Variants in CPLANE1 observed in about 807,000 individuals in gnomAD.
CPLANE1 encodes ciliogenesis and planar polarity effector complex subunit 1, also known as ciliogenesis and planar polarity effector 1.
In CPLANE1, 263 loss-of-function variants were observed where a neutral mutation model predicts 362.5. The ratio of observed to expected loss-of-function variants is 0.73; its 90% confidence interval spans 0.66 to 0.80. The LOEUF (loss-of-function observed/expected upper bound fraction) is 0.80, where lower values mean the gene tolerates loss of function less well. Ranked by LOEUF, CPLANE1 falls within the 30% of genes least tolerant of loss-of-function variation. The pLI, the probability that CPLANE1 is intolerant of heterozygous loss-of-function variation, is 0.00. For synonymous variants in CPLANE1, 1,212 were observed against 1,302.6 expected (o/e 0.93, Z 1.50); for missense variants, 3,461 against 3,793.4 (o/e 0.91, Z 2.30).
chr5:37,133,730 C>T (rs911859095), intron 46 of CPLANE1, among the ~76,000 whole-genome samples: 3 of 152,072 alleles, frequency 2.0e-5, no homozygotes, highest in African/African-American at 7.2e-5. Flanking sequence ...AAGAGATAAT[C>T]TGAATTCTTA....
rs201080350 is a variant in CPLANE1 at position 37,158,186 on chromosome 5, G to A, written c.7812+38C>T. ...CTACATGACCATAATACATTTTAGC[G>A]CAAAGGTATTATTAAAACTTCTGAA... On this transcript the variant is annotated intron_variant, in intron 39 of 52. Transcript: ENST00000651892. The A allele has an allele frequency of 3.5e-4, 559 of 1,596,776 alleles. 4 individuals are homozygous for A. The African/African-American group carries it at 6.0e-3, about 17-fold the overall frequency.
intron 8 of CPLANE1, among the ~76,000 whole-genome samples, chr5:37,236,699 G>A (rs1360283714): frequency 6.9e-6 from 1 of 145,038 alleles, no homozygotes; most frequent in Non-Finnish European, 1.5e-5. Context: ...TAGGATCTAT[G>A]AGAAACTAAG....
intron 16 of CPLANE1, among the ~76,000 whole-genome samples, chr5:37,208,922 ATC>A (rs998953082): frequency 5.7e-4 from 85 of 150,400 alleles, no homozygotes; most frequent in Admixed American, 3.3e-3. Context: ...GTTAGGATAA[ATC>A]TGTTTCACAG....
intron 47 of CPLANE1, 79 bp downstream of exon 47, chr5:37,125,165 A>C (rs1763786913): frequency 2.0e-6 from 3 of 1,472,252 alleles, no homozygotes; most frequent in Non-Finnish European, 2.7e-6. Context: ...AAATTATGTT[A>C]ATCTTTTTCT....
intron 42 of CPLANE1, among the ~76,000 whole-genome samples, chr5:37,152,316 A>G (rs1337289668): frequency 6.6e-6 from 1 of 152,124 alleles, no homozygotes; most frequent in Non-Finnish European, 1.5e-5. Context: ...AGCTAGGACT[A>G]CAGGTGCACA....
intron 48 of CPLANE1, 97 bp from the exon 49 acceptor site, chr5:37,121,881 GT>G (rs772486105): frequency 0.068 from 48,778 of 712,840 alleles, 1 homozygote; most frequent in South Asian, 0.084. Context: ...GCATGTTCTG[GT>G]TTTTTTTTTT....
intron 18 of CPLANE1, among the ~76,000 whole-genome samples, chr5:37,203,098 C>T: frequency 6.6e-6 from 1 of 152,104 alleles, no homozygotes; most frequent in Middle Eastern, 3.4e-3. Flanking sequence ...TATATCCATC[C>T]TTTTTAAAGT....
At chr5:37,152,337 C>A (rs756962686) in intron 42 of CPLANE1, among the ~76,000 whole-genome samples, 1 of 151,980 alleles carries the variant, frequency 6.6e-6, no homozygotes, top group Non-Finnish European at 1.5e-5. Flanking sequence ...CCACCATACC[C>A]GACTTATTAT....
At position 37,179,360 on chromosome 5, in the gene CPLANE1, C is replaced by T. The variant is rs781766239; in HGVS notation, c.5820+1G>A. The stretch of plus-strand genomic sequence containing the variant: ...ATTATATCCACTATTTATTGACTTA[C>T]TTCTTCTAACTGCTGTGGTAAAGTC... On this transcript the variant is annotated splice_donor_variant, in intron 29 of 52. Coordinates refer to ENST00000651892, the MANE Select transcript of CPLANE1 (RefSeq NM_001384732.1). LOFTEE classifies it high-confidence loss of function. 4 of 1,585,488 alleles carry T rather than the reference C, an allele frequency of 2.5e-6. No individual in the cohort carries two copies. Among genetic ancestry groups the T allele is most frequent in the Non-Finnish European group, 3.5e-6 (4 of 1,157,810 alleles).
chr5:37,164,081 T>A (rs1777599077), intron 37 of CPLANE1, among the ~76,000 whole-genome samples, 192 bp downstream of exon 37: 1 of 152,204 alleles, frequency 6.6e-6, no homozygotes, highest in Non-Finnish European at 1.5e-5. Context: ...ATAAGTAAAG[T>A]GCTTTCCCAA....
Position 37,239,580 on chromosome 5 carries a change from C to CA in CPLANE1, c.834+132dup, listed in dbSNP as rs10591482. 26,756 of 301,476 alleles carry CA rather than the reference C, an allele frequency of 0.089. 123 individuals carry two copies. The highest frequency in any genetic ancestry group is 0.11 in the East Asian group (2,095 of 18,226). 18.7% of individuals were successfully genotyped at this position (301,476 alleles called of 1,614,324 possible). A position where few individuals can be genotyped will look rare whatever the true frequency, so the allele number is the denominator to read the frequency against. ...CCTAGGCAACAGAGAGAGACCCTGTCAAAAAAAAAAAAAAAAAAAACCAGA... is the reference window on the plus strand; with the variant it reads ...CCTAGGCAACAGAGAGAGACCCTGTCAAAAAAAAAAAAAAAAAAAAACCAGA... On this transcript the variant is annotated intron_variant, in intron 7 of 52. Transcript: ENST00000651892.
chr5:37,224,107 A>G (rs1795933014), intron 14 of CPLANE1, 146 bp downstream of exon 14: 3 of 552,904 alleles, frequency 5.4e-6, no homozygotes, highest in Non-Finnish European at 9.5e-6. Context: ...ATTTAGAATT[A>G]TTTTTAAGGT....
At chr5:37,172,360 C>G (rs974271880) in intron 32 of CPLANE1, among the ~76,000 whole-genome samples, 5 of 152,080 alleles carry the variant, frequency 3.3e-5, no homozygotes, top group Admixed American at 1.3e-4. Flanking sequence ...GCAAAAAATT[C>G]AAGAGGGCAT....
chr5:37,134,624 G>T, intron 46 of CPLANE1, among the ~76,000 whole-genome samples: 1 of 151,682 alleles, frequency 6.6e-6, no homozygotes. Context: ...ATGGATTTTT[G>T]GTTCTCGATT....
intron 42 of CPLANE1, among the ~76,000 whole-genome samples, chr5:37,150,574 T>G (rs767896967): frequency 2.6e-5 from 4 of 151,980 alleles, no homozygotes; most frequent in Non-Finnish European, 5.9e-5. Flanking sequence ...GGAAAATGGC[T>G]CCACCATTCA....
At chr5:37,135,116 C>T (rs2150308205) in intron 46 of CPLANE1, among the ~76,000 whole-genome samples, 1 of 152,240 alleles carries the variant, frequency 6.6e-6, no homozygotes, top group East Asian at 1.9e-4. Flanking sequence ...CACAATGGTG[C>T]TTTTGCTGCA....
the CPLANE1 span, among the ~76,000 whole-genome samples, chr5:37,096,295 T>C: frequency 2.0e-5 from 3 of 151,972 alleles, no homozygotes; most frequent in African/African-American, 4.8e-5. Context: ...AACGAAAACA[T>C]AAAGGGGGAA....
At chr5:37,217,459 T>C (rs1225716610) in intron 15 of CPLANE1, among the ~76,000 whole-genome samples, 1 of 148,910 alleles carries the variant, frequency 6.7e-6, no homozygotes, top group Admixed American at 6.7e-5. Context: ...TACAAAAAAT[T>C]AGCTGGGCAT....
intron 1 of CPLANE1, among the ~76,000 whole-genome samples, chr5:37,248,875 C>T (rs1371096717): frequency 6.6e-6 from 1 of 152,212 alleles, no homozygotes; most frequent in Non-Finnish European, 1.5e-5. Context: ...CTTAAAATTG[C>T]TAAGAGCGAG....
Sources: gnomAD v4.1 joint callset for allele counts (sites outside exome capture counted in the v4.1 genomes callset) on GRCh38, gnomAD v4.1.1 for gene constraint, MANE v1.5 for transcripts, NCBI Gene and HGNC (gene_info 2026-07-23, HGNC 2026-07-21) for gene names.